The following USP45 variants were observed in gnomAD, a reference collection of about 807,000 sequenced individuals.
USP45 encodes ubiquitin specific peptidase 45.
A neutral mutation model predicts 95.8 loss-of-function variants in USP45; 89 were observed. That is an observed-to-expected ratio of 0.93 (90% confidence interval 0.78 to 1.11). The LOEUF is 1.11. Ranked by LOEUF, USP45 falls within the 50% of genes least tolerant of loss-of-function variation. USP45 has a pLI of 0.00. For synonymous variants in USP45, 281 were observed against 316.2 expected (o/e 0.89, Z 1.18); for missense variants, 898 against 942.5 (o/e 0.95, Z 0.62).
chr6:99,492,550 G>A (rs1021449507), intron 5 of USP45, among the ~76,000 whole-genome samples: 1 of 151,682 alleles, frequency 6.6e-6, no homozygotes, highest in African/African-American at 2.4e-5. Flanking sequence ...CTGGAGTGCA[G>A]TGGTGTGATC....
chr6:99,468,705 T>TAC, intron 9 of USP45, 87 bp from the exon 10 acceptor site: 1 of 800,260 alleles, frequency 1.2e-6, no homozygotes, highest in Non-Finnish European at 1.9e-6. Flanking sequence ...AACAGCAAGG[T>TAC]ACACTGTGGA....
At chr6:99,460,516 G>GT (rs1786172559) in intron 13 of USP45, among the ~76,000 whole-genome samples, 1 of 152,054 alleles carries the variant, frequency 6.6e-6, no homozygotes, top group African/African-American at 2.4e-5. Context: ...ATTTACATAG[G>GT]TTAAGTTGCC....
Position 99,443,547 on chromosome 6 carries a change from G to A in USP45, c.2073+18C>T. The A allele has an allele frequency of 1.9e-6, 3 of 1,555,688 alleles. No individual in the cohort carries two copies. The highest frequency in any genetic ancestry group is 2.6e-6 in the Non-Finnish European group (3 of 1,133,910). On this transcript the variant is annotated intron_variant, in intron 15 of 17. Transcript: ENST00000500704. ...TAAAACACATGATGAAAATTATGGT[G>A]CTACTGAAGAAACTTACCTGATGAA...
Position 99,510,017 on chromosome 6 carries a change from T to A in USP45, c.100+104A>T. ...CATCTAGGTTTGGTGGAAAAAAATTTGTGTACAAGTTGATCCTCAGCGTTC... is the reference window on the plus strand; with the variant it reads ...CATCTAGGTTTGGTGGAAAAAAATTAGTGTACAAGTTGATCCTCAGCGTTC... On this transcript the variant is annotated intron_variant, in intron 2 of 17. Coordinates refer to ENST00000500704, the MANE Select transcript of USP45 (RefSeq NM_001346022.3). 3 of 848,030 alleles carry A rather than the reference T, an allele frequency of 3.5e-6. No homozygotes were observed. In the South Asian group the frequency reaches 5.1e-5, roughly 14 times the overall value. The allele number at this position is 848,030 out of a possible 1,614,324, so 52.5% of individuals were successfully genotyped here.
intron 13 of USP45, among the ~76,000 whole-genome samples, chr6:99,457,136 T>C (rs1416601421): frequency 1.3e-5 from 2 of 152,240 alleles, no homozygotes; most frequent in Non-Finnish European, 2.9e-5. Flanking sequence ...TAAGATGTTA[T>C]CAATGACAAT....
In USP45 at chr6:99,461,893, T is replaced by C. The variant is rs991248713; in HGVS notation, c.1308+2711A>G. 10 of 984,778 alleles carry C rather than the reference T, an allele frequency of 1.0e-5. No individual in the cohort carries two copies. In the African/African-American group the frequency reaches 1.6e-4, roughly 15 times the overall value. 61.0% of individuals were successfully genotyped at this position (984,778 alleles called of 1,614,324 possible). A position where few individuals can be genotyped will look rare whatever the true frequency, so the allele number is the denominator to read the frequency against. On this transcript the variant is annotated intron_variant, in intron 13 of 17. Coordinates refer to ENST00000500704, the MANE Select transcript of USP45 (RefSeq NM_001346022.3). ...AAGACTTTATTGATCTTTATAAAAC[T>C]AGTACTGAAAGTAGTTAACTACTGA...
intron 4 of USP45, among the ~76,000 whole-genome samples, 198 bp downstream of exon 4, chr6:99,507,230 T>C (rs1207711562): frequency 6.6e-6 from 1 of 152,200 alleles, no homozygotes; most frequent in Non-Finnish European, 1.5e-5. Flanking sequence ...AGTAGAGAGA[T>C]AGTTAAAATT....
Position 99,446,336 on chromosome 6 carries a change from T to G in USP45, c.1436A>C (p.Glu479Ala). The G allele has an allele frequency of 6.2e-7, 1 of 1,614,204 alleles. No individual in the cohort carries two copies. Among genetic ancestry groups the G allele is most frequent in the Non-Finnish European group, 8.5e-7 (1 of 1,180,028 alleles). Residue 479 changes from glutamate (E) to alanine (A), a missense_variant, in exon 14 of 18, where the codon GAG becomes GCG. Glu to Ala is a moderately radical substitution (Grantham distance 107, BLOSUM62 -1). Coordinates refer to ENST00000500704, the MANE Select transcript of USP45 (RefSeq NM_001346022.3). The part of the protein sequence containing the change: ...SLMFASLMNS[E>A]SRLNESPTDD... Reference sequence around the variant, plus strand: ...AGTAGGGCTTTCATTCAGACGTGACTCAGAATTCATGAGGCTGGCAAACAT... The same window carrying G: ...AGTAGGGCTTTCATTCAGACGTGACGCAGAATTCATGAGGCTGGCAAACAT...
chr6:99,474,568 G>A (rs1790330701), intron 9 of USP45, among the ~76,000 whole-genome samples: 1 of 152,154 alleles, frequency 6.6e-6, no homozygotes, highest in African/African-American at 2.4e-5. Flanking sequence ...GCACTTCACT[G>A]AACACTTGGC....
chr6:99,517,094 T>G (rs1801161622), upstream of USP45, among the ~76,000 whole-genome samples: 1 of 152,152 alleles, frequency 6.6e-6, no homozygotes. Flanking sequence ...TGGCATAAAT[T>G]AAGGAAAATT....
intron 13 of USP45, among the ~76,000 whole-genome samples, chr6:99,453,171 A>AAG (rs764937725): frequency 2.0e-5 from 1 of 49,114 alleles, no homozygotes; most frequent in Admixed American, 2.4e-4. Flanking sequence ...GAACTTAAAA[A>AAG]AGAAAAAAAA....
chr6:99,471,309 G>A (rs977067534), intron 9 of USP45, among the ~76,000 whole-genome samples: 1 of 152,166 alleles, frequency 6.6e-6, no homozygotes, highest in Non-Finnish European at 1.5e-5. Flanking sequence ...TGGTCAGGGA[G>A]CTGTTAATAA....
chr6:99,506,247 G>A (rs1235856636), intron 4 of USP45, among the ~76,000 whole-genome samples: 1 of 152,198 alleles, frequency 6.6e-6, no homozygotes, highest in Admixed American at 6.6e-5. Flanking sequence ...GTAAAACACA[G>A]AGGAAGCATT....
intron 9 of USP45, among the ~76,000 whole-genome samples, chr6:99,473,138 G>T (rs1789861977): frequency 6.6e-6 from 1 of 151,292 alleles, no homozygotes. Flanking sequence ...AAATCACAAA[G>T]AAACTAGCTA....
In USP45 at chr6:99,435,816, C is replaced by T. The variant is rs749258404; in HGVS notation, c.2345G>A (p.Gly782Asp). Reference protein sequence around the residue: ...GLKAADNESAGQWVHVSDTYL... With the variant: ...GLKAADNESADQWVHVSDTYL... ...AGTGTCACTAACATGGACCCACTGG[C>T]CTGCTGATTCATTATCAGCCGCTTT... Residue 782 changes from glycine to aspartate, a missense_variant, in exon 18 of 18, where the codon GGC (glycine) becomes GAC (aspartate). Coordinates refer to ENST00000500704, the MANE Select transcript of USP45 (RefSeq NM_001346022.3). 5.6e-6 allele frequency: 9 copies of T among 1,613,050 alleles called. No homozygotes were observed. In the East Asian group the frequency reaches 2.0e-4, roughly 36 times the overall value.
At chr6:99,443,515 T>C (rs34401990) in intron 15 of USP45, 50 bp downstream of exon 15, 211,048 of 1,301,086 alleles carry the variant, frequency 0.16, 20,512 homozygotes, top group Non-Finnish European at 0.19. Flanking sequence ...TAGGACTTAA[T>C]GCTCTGTAAA....
At chr6:99,491,995 T>C (rs1795279234) in intron 5 of USP45, among the ~76,000 whole-genome samples, 1 of 152,092 alleles carries the variant, frequency 6.6e-6, no homozygotes, top group African/African-American at 2.4e-5. Flanking sequence ...CTTGGGAAAA[T>C]ACTCCTAGAA....
chr6:99,438,778 A>G (rs1201958999), intron 16 of USP45, among the ~76,000 whole-genome samples: 2 of 152,206 alleles, frequency 1.3e-5, no homozygotes, highest in African/African-American at 4.8e-5. Flanking sequence ...TCAAAATAAT[A>G]AAGGAGAAGA....
At chr6:99,465,652 T>C (rs1011053123) in intron 11 of USP45, among the ~76,000 whole-genome samples, 7 of 152,190 alleles carry the variant, frequency 4.6e-5, no homozygotes, top group Non-Finnish European at 8.8e-5. Flanking sequence ...TGTTTCAATG[T>C]GACAGGCTAG....
Sources: gnomAD v4.1 joint callset for allele counts (sites outside exome capture counted in the v4.1 genomes callset) on GRCh38, gnomAD v4.1.1 for gene constraint, MANE v1.5 for transcripts, NCBI Gene and HGNC (gene_info 2026-07-23, HGNC 2026-07-21) for gene names.